The following RANBP2 variants were observed in gnomAD, a reference collection of about 807,000 sequenced individuals.
RANBP2 encodes RAN binding protein 2, also known as E3 SUMO-protein ligase RanBP2.
Under a neutral mutation model 303.6 loss-of-function variants are expected in RANBP2, and 57 were observed. That is an observed-to-expected ratio of 0.19 (90% confidence interval 0.15 to 0.23). RANBP2 has a LOEUF of 0.23. Ranked by LOEUF, RANBP2 falls within the 10% of genes least tolerant of loss-of-function variation. The pLI is 1.00. For missense variants in RANBP2, 3,138 were observed against 3,780.8 expected (o/e 0.83, Z 4.46); for synonymous variants, 1,167 against 1,301.5 (o/e 0.90, Z 2.23).
At chr2:109,511,304 C>T in the RANBP2 span, among the ~76,000 whole-genome samples, 1 of 152,226 alleles carries the variant, frequency 6.6e-6, no homozygotes, top group Admixed American at 6.5e-5. Context: ...GTCCCACAGC[C>T]ACAACAAGTT....
At chr2:109,693,287 T>C in the RANBP2 span, among the ~76,000 whole-genome samples, 1 of 152,152 alleles carries the variant, frequency 6.6e-6, no homozygotes. Flanking sequence ...TTCTTATGCC[T>C]CACCCTCCCG....
chr2:109,411,415 T>C, the RANBP2 span, among the ~76,000 whole-genome samples: 1 of 152,194 alleles, frequency 6.6e-6, no homozygotes, highest in Admixed American at 6.5e-5. Flanking sequence ...TCACATTCTG[T>C]ACAGCTGGGC....
chr2:108,923,344 T>C, the RANBP2 span: 1 of 1,609,518 alleles, frequency 6.2e-7, no homozygotes, highest in Non-Finnish European at 8.5e-7. Context: ...AATACCGTGC[T>C]GGTGGAAGGA....
the RANBP2 span, chr2:108,794,470 A>G: frequency 1.5e-6 from 2 of 1,366,838 alleles, no homozygotes; most frequent in Non-Finnish European, 2.0e-6. Context: ...CTCTTCCTAA[A>G]GGTTACTCTG....
the RANBP2 span, among the ~76,000 whole-genome samples, chr2:109,317,217 C>T: frequency 6.6e-6 from 1 of 151,854 alleles, no homozygotes; most frequent in African/African-American, 2.4e-5. Flanking sequence ...CCCCAGCTTA[C>T]CTCCCACCCG....
the RANBP2 span, among the ~76,000 whole-genome samples, chr2:109,218,890 G>A: frequency 2.0e-5 from 3 of 152,158 alleles, no homozygotes; most frequent in African/African-American, 7.2e-5. Context: ...ATATATAGGT[G>A]GAGAAAGACA....
chr2:109,455,649 C>T, the RANBP2 span, among the ~76,000 whole-genome samples: 8 of 152,328 alleles, frequency 5.3e-5, no homozygotes, highest in South Asian at 1.7e-3. Context: ...AGGCAGCTCT[C>T]TCTAAAGTGA....
the RANBP2 span, among the ~76,000 whole-genome samples, chr2:109,576,157 A>AGGC: frequency 1.3e-5 from 2 of 152,190 alleles, no homozygotes; most frequent in African/African-American, 4.8e-5. Flanking sequence ...GCTACTTGAG[A>AGGC]GGCTAAGGCA....
chr2:109,630,012 C>T, the RANBP2 span, among the ~76,000 whole-genome samples: 1 of 152,038 alleles, frequency 6.6e-6, no homozygotes, highest in Non-Finnish European at 1.5e-5. Flanking sequence ...TACAACACGC[C>T]CACACATAAC....
chr2:109,086,474 C>A, the RANBP2 span, among the ~76,000 whole-genome samples: 1 of 152,166 alleles, frequency 6.6e-6, no homozygotes, highest in Non-Finnish European at 1.5e-5. Context: ...ACAGATAAGG[C>A]TCAGGTTGGA....
the RANBP2 span, among the ~76,000 whole-genome samples, chr2:109,096,768 C>CT: frequency 6.7e-6 from 1 of 149,728 alleles, no homozygotes; most frequent in African/African-American, 2.5e-5. Flanking sequence ...GCCAAGAAAA[C>CT]TTTTCTATTT....
At chr2:109,038,819 C>A in the RANBP2 span, among the ~76,000 whole-genome samples, 1 of 152,176 alleles carries the variant, frequency 6.6e-6, no homozygotes, top group Non-Finnish European at 1.5e-5. Context: ...TCCTGTTTCT[C>A]CACATTCTAG....
At chr2:108,867,295 T>C in the RANBP2 span, among the ~76,000 whole-genome samples, 1 of 152,154 alleles carries the variant, frequency 6.6e-6, no homozygotes, top group African/African-American at 2.4e-5. Flanking sequence ...ACTCCAGAAC[T>C]GAGAGATTCC....
chr2:109,423,320 G>A, the RANBP2 span, among the ~76,000 whole-genome samples: 13 of 152,142 alleles, frequency 8.5e-5, no homozygotes, highest in Non-Finnish European at 1.8e-4. Context: ...CATGTGAGAC[G>A]TGCTCTCTGT....
chr2:108,782,457 T>C (rs1320957938), intron 27 of RANBP2, 56 bp downstream of exon 27: 9 of 1,613,576 alleles, frequency 5.6e-6, no homozygotes, highest in African/African-American at 1.3e-5. Flanking sequence ...CTAAAATCTA[T>C]AACAAACAAA....
At chr2:109,577,650 C>T in the RANBP2 span, among the ~76,000 whole-genome samples, 218 of 150,216 alleles carry the variant, frequency 1.5e-3, no homozygotes, top group African/African-American at 4.8e-3. Context: ...TAGTGGCTCA[C>T]GCCTGCAATC....
chr2:109,142,070 A>G, the RANBP2 span, among the ~76,000 whole-genome samples: 1 of 149,702 alleles, frequency 6.7e-6, no homozygotes, highest in African/African-American at 2.5e-5. Context: ...GTATGTGCCT[A>G]GAACTTCTGC....
the RANBP2 span, among the ~76,000 whole-genome samples, chr2:109,148,469 A>T: frequency 2.2e-4 from 33 of 152,292 alleles, no homozygotes; most frequent in Admixed American, 1.7e-3. Flanking sequence ...ACTGTGTACA[A>T]ATTTCTGCAC....
the RANBP2 span, among the ~76,000 whole-genome samples, chr2:109,160,110 A>G: frequency 0.81 from 122,653 of 152,150 alleles, 49,630 homozygotes; most frequent in East Asian, 0.89. Flanking sequence ...ATTATCAGTC[A>G]ATTTATGGGC....
Sources: allele counts gnomAD v4.1 joint callset (sites outside exome capture counted in the v4.1 genomes callset), GRCh38; gene constraint gnomAD v4.1.1; transcripts MANE v1.5; gene names NCBI Gene and HGNC (gene_info 2026-07-23, HGNC 2026-07-21).